The following DPP6 variants were observed in gnomAD, a reference collection of about 807,000 sequenced individuals.
DPP6 encodes the protein dipeptidyl peptidase like 6.
A neutral mutation model predicts 122.6 loss-of-function variants in DPP6; 69 were observed. The ratio of observed to expected loss-of-function variants is 0.56; its 90% CI spans 0.46 to 0.69. The LOEUF is 0.69. DPP6 is among the 30% of genes least tolerant of loss of function. The probability of loss-of-function intolerance (pLI) is 0.00; values close to 1 mark genes in which losing one functional copy is unlikely to be tolerated. For missense variants in DPP6, 928 were observed against 1,116.9 expected (o/e 0.83, Z 2.41); for synonymous variants, 418 against 433.1 (o/e 0.97, Z 0.43).
intron 6 of DPP6, among the ~76,000 whole-genome samples, chr7:154,658,881 C>T (rs181877499): frequency 2.0e-5 from 3 of 152,302 alleles, no homozygotes; most frequent in Admixed American, 2.0e-4. Context: ...AAAGGTCATT[C>T]TCAAAGGTCA....
At chr7:154,784,981 C>A (rs988691543) in intron 10 of DPP6, among the ~76,000 whole-genome samples, 1 of 152,056 alleles carries the variant, frequency 6.6e-6, no homozygotes, top group African/African-American at 2.4e-5. Context: ...TTCTTATGAA[C>A]TTGGTCTGGT....
At chr7:154,712,564 G>C (rs1334994796) in intron 7 of DPP6, among the ~76,000 whole-genome samples, 1 of 152,174 alleles carries the variant, frequency 6.6e-6, no homozygotes, top group African/African-American at 2.4e-5. Flanking sequence ...GGCTGGGGAG[G>C]CCTCAAGAAA....
chr7:154,374,110 G>A (rs147517517), intron 1 of DPP6, among the ~76,000 whole-genome samples: 30 of 152,290 alleles, frequency 2.0e-4, no homozygotes, highest in East Asian at 3.9e-4. Context: ...GCTGTGTCAC[G>A]CCATCAGGCT....
intron 1 of DPP6, among the ~76,000 whole-genome samples, chr7:153,927,016 T>G (rs1408884029): frequency 6.6e-6 from 1 of 152,160 alleles, no homozygotes; most frequent in Admixed American, 6.5e-5. Context: ...TTTTTTTTTT[T>G]TTTACTGAAA....
intron 1 of DPP6, chr7:154,026,137 G>C (rs1296616594): frequency 2.6e-5 from 4 of 151,654 alleles, no homozygotes; most frequent in Non-Finnish European, 5.9e-5. Flanking sequence ...GGTCAGGTAC[G>C]CAGGTGCCAC....
chr7:153,881,184 G>C, the DPP6 span, among the ~76,000 whole-genome samples: 2 of 152,196 alleles, frequency 1.3e-5, no homozygotes, highest in Non-Finnish European at 2.9e-5. Flanking sequence ...GAAAGTAGGA[G>C]GACTCAAAGA....
At chr7:154,554,160 G>T (rs1326474517) in intron 4 of DPP6, among the ~76,000 whole-genome samples, 1 of 152,112 alleles carries the variant, frequency 6.6e-6, no homozygotes, top group East Asian at 1.9e-4. Flanking sequence ...CCAGAGGCAG[G>T]CTGTGGCCAC....
the DPP6 span, among the ~76,000 whole-genome samples, chr7:153,820,858 CTT>C: frequency 6.7e-6 from 1 of 148,640 alleles, no homozygotes; most frequent in South Asian, 2.2e-4. Context: ...TAGTGGAACT[CTT>C]TGTCTTACAG....
At chr7:154,175,931 ACCC>A in intron 1 of DPP6, among the ~76,000 whole-genome samples, 1 of 152,068 alleles carries the variant, frequency 6.6e-6, no homozygotes, top group East Asian at 1.9e-4. Flanking sequence ...CAAGTGACCC[ACCC>A]ACCTCGGCCT....
chr7:154,780,652 A>T (rs1230597414), intron 10 of DPP6, among the ~76,000 whole-genome samples: 2 of 152,242 alleles, frequency 1.3e-5, no homozygotes, highest in African/African-American at 4.8e-5. Flanking sequence ...CAAGGGTGTA[A>T]GTGACATCCG....
chr7:154,749,501 AG>A (rs1843240273), intron 8 of DPP6, among the ~76,000 whole-genome samples: 1 of 72,578 alleles, frequency 1.4e-5, no homozygotes, highest in African/African-American at 5.9e-5. Flanking sequence ...AGAGGGATGG[AG>A]GCTTTACTGA....
intron 16 of DPP6, among the ~76,000 whole-genome samples, chr7:154,835,785 T>A (rs753304728): frequency 3.9e-4 from 59 of 152,332 alleles, no homozygotes; most frequent in Non-Finnish European, 6.5e-4. Context: ...CTATTTTCAT[T>A]TTCTGAAATC....
chr7:154,348,794 G>A (rs1455034244), intron 1 of DPP6, among the ~76,000 whole-genome samples: 1 of 152,198 alleles, frequency 6.6e-6, no homozygotes, highest in Admixed American at 6.5e-5. Context: ...GTTTCAGGAA[G>A]GGTTACTTTT....
chr7:154,017,738 AAAAG>A (rs2129050899), intron 1 of DPP6, among the ~76,000 whole-genome samples: 2 of 150,188 alleles, frequency 1.3e-5, no homozygotes, highest in African/African-American at 2.4e-5. Context: ...AAAAAAAAAA[AAAAG>A]AAAAATATAA....
At chr7:154,116,104 AT>A in intron 1 of DPP6, among the ~76,000 whole-genome samples, 1 of 151,196 alleles carries the variant, frequency 6.6e-6, no homozygotes, top group Non-Finnish European at 1.5e-5. Context: ...ATATTTATAT[AT>A]GGTGTGCCTG....
chr7:154,108,775 C>T (rs1331451967), intron 1 of DPP6, among the ~76,000 whole-genome samples: 1 of 152,162 alleles, frequency 6.6e-6, no homozygotes, highest in Non-Finnish European at 1.5e-5. Flanking sequence ...GCCACTGGGG[C>T]GGACAGGTTC....
intron 21 of DPP6, chr7:154,884,993 C>T (rs572863872): frequency 1.3e-5 from 2 of 152,612 alleles, no homozygotes; most frequent in African/African-American, 4.8e-5. Flanking sequence ...CCCTCGGGGT[C>T]TTCCCTTCGG....
intron 1 of DPP6, among the ~76,000 whole-genome samples, chr7:154,252,963 C>A (rs4483073): frequency 0.3 from 45,515 of 152,148 alleles, 7,964 homozygotes; most frequent in Middle Eastern, 0.4. Flanking sequence ...ATTTAAAAAT[C>A]TCTACTAAGA....
At chr7:153,995,536 C>T (rs765077412) in intron 1 of DPP6, among the ~76,000 whole-genome samples, 19 of 127,678 alleles carry the variant, frequency 1.5e-4, no homozygotes, top group Non-Finnish European at 2.6e-4. Context: ...TTGCAGTAAG[C>T]GGAGATAGCA....
Sources: gnomAD v4.1 joint callset for allele counts (sites outside exome capture counted in the v4.1 genomes callset) on GRCh38, gnomAD v4.1.1 for gene constraint, MANE v1.5 for transcripts, NCBI Gene and HGNC (gene_info 2026-07-23, HGNC 2026-07-21) for gene names.